Variants in STK3 observed in about 807,000 individuals in gnomAD.
The protein encoded by STK3 is serine/threonine-protein kinase 3.
Under a neutral mutation model 58.0 loss-of-function variants are expected in STK3, and 41 were observed. That is an observed-to-expected ratio of 0.71 (90% confidence interval 0.55 to 0.92). The LOEUF is 0.92. Among genes scored for constraint, STK3 ranks in the 40% least tolerant of loss-of-function variants. STK3 has a pLI of 0.00. For missense variants in STK3, 479 were observed against 602.7 expected (o/e 0.79, Z 2.15); for synonymous variants, 170 against 191.0 (o/e 0.89, Z 0.91).
At chr8:98,895,608 G>A (rs950838364) in intron 1 of STK3, among the ~76,000 whole-genome samples, 10 of 152,264 alleles carry the variant, frequency 6.6e-5, no homozygotes, top group Non-Finnish European at 1.0e-4. Context: ...ACAAAGAAGC[G>A]TATGGCTTGA....
intron 4 of STK3, among the ~76,000 whole-genome samples, chr8:98,732,199 T>A (rs1828259112): frequency 6.6e-6 from 1 of 151,978 alleles, no homozygotes; most frequent in African/African-American, 2.4e-5. Flanking sequence ...TTCAGGAGAT[T>A]CAACCTTTCA....
At chr8:98,825,457 C>T (rs1835196144) in intron 1 of STK3, 58 bp downstream of exon 1, 1 of 1,426,754 alleles carries the variant, frequency 7.0e-7, no homozygotes, top group Non-Finnish European at 9.3e-7. Flanking sequence ...CCTAGCCACC[C>T]CCGCCCCGCG....
rs556887616 is a variant in STK3 at position 98,458,263 on chromosome 8, T to C, written c.1318-2263A>G. On this transcript the variant is annotated intron_variant, in intron 10 of 10. Transcript: ENST00000419617. Reference sequence around the variant, plus strand: ...AAATGCACTGAATCTGTAGACTGCTTTGGGCAGTAAGGTCTTTTTCATAAT... The same window carrying C: ...AAATGCACTGAATCTGTAGACTGCTCTGGGCAGTAAGGTCTTTTTCATAAT... Among the ~76,000 whole-genome samples, 3 of 152,276 alleles carry C rather than the reference T, an allele frequency of 2.0e-5. No individual in the cohort carries two copies. In the South Asian group the frequency reaches 6.2e-4, roughly 32 times the overall value.
chr8:98,584,055 C>A (rs1186642349), intron 7 of STK3, among the ~76,000 whole-genome samples: 1 of 151,348 alleles, frequency 6.6e-6, no homozygotes, highest in East Asian at 1.9e-4. Flanking sequence ...TGTATCTCTG[C>A]TAGTGGAGAA....
At chr8:98,906,989 TAA>T (rs3085954) in intron 1 of STK3, among the ~76,000 whole-genome samples, 50 of 94,682 alleles carry the variant, frequency 5.3e-4, no homozygotes, top group East Asian at 6.1e-4. Flanking sequence ...TCTCTACCAA[TAA>T]AAAAAAAAAA....
At chr8:98,704,726 C>CAT (rs1404758772) in intron 6 of STK3, among the ~76,000 whole-genome samples, 3 of 152,156 alleles carry the variant, frequency 2.0e-5, no homozygotes, top group African/African-American at 7.2e-5. Flanking sequence ...GAAGAGGCCA[C>CAT]ATATTACAAT....
rs141475408 is a variant in STK3, at chr8:98,793,322, A to C, written c.27-18503T>G. 6.2e-4 allele frequency among the ~76,000 whole-genome samples: 94 copies of C among 152,250 alleles called. 2 individuals are homozygous for C. The East Asian group carries it at 0.015, about 24-fold the overall frequency. On this transcript the variant is annotated intron_variant, in intron 1 of 10. Transcript: ENST00000419617. The stretch of plus-strand genomic sequence containing the variant: ...AACACCACCTGTTCCCCAATAACTT[A>C]TGGAAATTAAAAAAAAATTTTAATA...
At chr8:98,563,166 G>A (rs1812198303) in intron 8 of STK3, among the ~76,000 whole-genome samples, 1 of 152,102 alleles carries the variant, frequency 6.6e-6, no homozygotes, top group Admixed American at 6.6e-5. Context: ...CATAAGCAGT[G>A]TAACTGATAA....
At chr8:98,587,516 A>C (rs1814754238) in intron 7 of STK3, among the ~76,000 whole-genome samples, 1 of 152,108 alleles carries the variant, frequency 6.6e-6, no homozygotes. Context: ...ATTTACTTCA[A>C]AGTATGTGGT....
rs544910516 is a variant in STK3 at position 98,624,809 on chromosome 8, G to A, written c.685-28640C>T. On this transcript the variant is annotated intron_variant, in intron 6 of 10. Coordinates refer to ENST00000419617, the MANE Select transcript of STK3 (RefSeq NM_006281.4). ...GTGGAGGTTGCAGTGAGTTGAGATC[G>A]TGCCACTGCACTCAAGCCTGGGCAA... is the stretch of plus-strand genomic sequence containing the variant. Among the ~76,000 whole-genome samples the A allele has an allele frequency of 1.2e-3, 186 of 151,978 alleles. 1 individual carries two copies. Among genetic ancestry groups the A allele is most frequent in the African/African-American group, 4.2e-3 (174 of 41,466 alleles).
At chr8:98,778,935 A>T (rs2131515102) in intron 1 of STK3, 1 of 152,256 alleles carries the variant, frequency 6.6e-6, no homozygotes, top group East Asian at 1.9e-4. Context: ...ATGCTAAATG[A>T]CGAGTTAATG....
intron 6 of STK3, among the ~76,000 whole-genome samples, chr8:98,630,770 A>AGAAGAAGAGGAAGAGGAAGAG (rs1247900868): frequency 4.6e-5 from 7 of 151,644 alleles, no homozygotes; most frequent in African/African-American, 1.7e-4. Flanking sequence ...AAGAACAAGA[A>AGAAGAAGAGGAAGAGGAAGAG]GAAGAAGAGG....
Position 98,852,401 on chromosome 8 carries a change from T to C in STK3, c.110+31246A>G, listed in dbSNP as rs1020300479. 2.9e-3 allele frequency among the ~76,000 whole-genome samples: 442 copies of C among 152,312 alleles called. 5 individuals carry two copies. Among genetic ancestry groups the C allele is most frequent in the Non-Finnish European group, 6.2e-4 (42 of 68,022 alleles). On this transcript the variant is annotated intron_variant, in intron 3 of 12. Coordinates refer to the STK3 transcript ENST00000523601. ...CACTCACCCTGGCCTACCAAAGTGC[T>C]GGGATTACAGGGGTGAGCCACTGTG...
intron 1 of STK3, among the ~76,000 whole-genome samples, chr8:98,442,200 C>G (rs1818721769): frequency 6.6e-6 from 1 of 152,146 alleles, no homozygotes; most frequent in Non-Finnish European, 1.5e-5. Context: ...ACACCACTGC[C>G]CTATCATAAT....
rs566637352 is a variant in STK3 at position 98,513,090 on chromosome 8, T to G, written c.1317+13652A>C. On this transcript the variant is annotated intron_variant, in intron 10 of 10. Coordinates refer to ENST00000419617, the MANE Select transcript of STK3 (RefSeq NM_006281.4). ...AAATGTCAGTCATGTCAGTAATGTTTATTTTTACAGAAGAATGCTGACTGA... is the reference window on the plus strand; with the variant it reads ...AAATGTCAGTCATGTCAGTAATGTTGATTTTTACAGAAGAATGCTGACTGA... 3.9e-5 allele frequency among the ~76,000 whole-genome samples: 6 copies of G among 152,304 alleles called. No homozygotes were observed. The South Asian group carries it at 1.2e-3, about 32-fold the overall frequency.
Position 98,663,077 on chromosome 8 carries a change from C to T in STK3, c.684+43390G>A, listed in dbSNP as rs375703680. On this transcript the variant is annotated intron_variant, in intron 6 of 10. Transcript: ENST00000419617. ...TTCTGCACAGCAAAAGAAACTACCA[C>T]CAGAGTGAAGAGGCAACCTACAGAA... Among the ~76,000 whole-genome samples, 32 of 152,216 alleles carry T rather than the reference C, an allele frequency of 2.1e-4. No individual in the cohort carries two copies. The East Asian group carries it at 2.9e-3, about 14-fold the overall frequency.
Position 98,428,448 on chromosome 8 carries a change from G to T in STK3, n.483+5679C>A, listed in dbSNP as rs1818277467. ...CGATGAGATCCTTGCCTTCTACAACGACGCCTCCAAGTTCGATGGGCAGCC... is the reference window on the plus strand; with the variant it reads ...CGATGAGATCCTTGCCTTCTACAACTACGCCTCCAAGTTCGATGGGCAGCC... On this transcript the variant is annotated intron_variant and non_coding_transcript_variant, in intron 3 of 3. Transcript: ENST00000517832. The surrounding 1 kb of genome is among the most constrained non-coding windows in gnomAD (Gnocchi z 6.7). 1 of 1,613,992 alleles carries T rather than the reference G, an allele frequency of 6.2e-7. No individual in the cohort carries two copies. The highest frequency in any genetic ancestry group is 8.5e-7 in the Non-Finnish European group (1 of 1,180,034).
chr8:98,703,854 A>ATTT lies in STK3; in HGVS notation c.684+2610_684+2612dup, dbSNP rs373986208. ...ACCAATTTTAGCTGGGCCCTCAACA[A>ATTT]TTTTTCTCTCTTGGACAGCTCTTTC... On this transcript the variant is annotated intron_variant, in intron 6 of 10. Coordinates refer to ENST00000419617, the MANE Select transcript of STK3 (RefSeq NM_006281.4). Among the ~76,000 whole-genome samples the ATTT allele has an allele frequency of 9.2e-3, 1,398 of 152,206 alleles. 15 individuals carry two copies. Among genetic ancestry groups the ATTT allele is most frequent in the African/African-American group, 0.032 (1,321 of 41,522 alleles).
chr8:98,453,948 T>A (rs1016029449), downstream of STK3, among the ~76,000 whole-genome samples: 3 of 152,210 alleles, frequency 2.0e-5, no homozygotes, highest in Non-Finnish European at 4.4e-5. Context: ...GACTCCAGTA[T>A]AGATTTGCTG....
Sources: allele counts gnomAD v4.1 joint callset (sites outside exome capture counted in the v4.1 genomes callset), GRCh38; gene constraint gnomAD v4.1.1; non-coding constraint Gnocchi (gnomAD v3.1); transcripts MANE v1.5; gene names NCBI Gene and HGNC (gene_info 2026-07-23, HGNC 2026-07-21).